Variants in PDE8B observed in about 807,000 individuals in gnomAD.
The protein encoded by PDE8B is high affinity cAMP-specific and IBMX-insensitive 3',5'-cyclic phosphodiesterase 8B.
Under a neutral mutation model 101.3 loss-of-function variants are expected in PDE8B, and 26 were observed. The ratio of observed to expected loss-of-function variants is 0.26; its 90% CI spans 0.19 to 0.36. The LOEUF (loss-of-function observed/expected upper bound fraction) is 0.36, where lower values mean the gene tolerates loss of function less well. Among genes scored for constraint, PDE8B ranks in the 10% least tolerant of loss-of-function variants. The pLI, the probability that PDE8B is intolerant of heterozygous loss-of-function variation, is 1.00. For synonymous variants in PDE8B, 424 were observed against 429.3 expected (o/e 0.99, Z 0.15); for missense variants, 810 against 1,163.1 (o/e 0.70, Z 4.42).
intron 10 of PDE8B, among the ~76,000 whole-genome samples, chr5:77,355,229 A>G (rs929899718): frequency 6.6e-6 from 1 of 152,172 alleles, no homozygotes; most frequent in African/African-American, 2.4e-5. Flanking sequence ...TACTACCATG[A>G]ATTAGCTGCT....
the PDE8B span, among the ~76,000 whole-genome samples, chr5:77,090,940 T>G: frequency 6.6e-6 from 1 of 152,232 alleles, no homozygotes; most frequent in African/African-American, 2.4e-5. Flanking sequence ...AATAGTAGTA[T>G]TAGTGGATCA....
chr5:77,295,079 A>C (rs1768226627), intron 1 of PDE8B, among the ~76,000 whole-genome samples: 2 of 152,162 alleles, frequency 1.3e-5, no homozygotes, highest in Non-Finnish European at 2.9e-5. Flanking sequence ...CTAGGCAAAA[A>C]GACCAAGTCG....
At chr5:77,156,503 C>A in the PDE8B span, among the ~76,000 whole-genome samples, 797 of 152,276 alleles carry the variant, frequency 5.2e-3, 9 homozygotes, top group African/African-American at 0.018. Flanking sequence ...GATTAAGTGC[C>A]TATTACGTAC....
intron 10 of PDE8B, among the ~76,000 whole-genome samples, chr5:77,385,803 T>TTG (rs1435153233): frequency 6.7e-6 from 1 of 148,206 alleles, no homozygotes; most frequent in Non-Finnish European, 1.5e-5. Flanking sequence ...AGGTTTTTTT[T>TTG]TTTTTTTTTT....
intron 1 of PDE8B, among the ~76,000 whole-genome samples, chr5:77,289,830 T>A (rs980248665): frequency 2.6e-5 from 4 of 152,220 alleles, no homozygotes; most frequent in African/African-American, 9.6e-5. Context: ...TAAAGTTAGA[T>A]AATCTAGAAG....
chr5:77,106,144 T>C, the PDE8B span: 2 of 152,210 alleles, frequency 1.3e-5, no homozygotes, highest in African/African-American at 2.4e-5. Flanking sequence ...TAATGGTGTT[T>C]TTCAATGAGC....
intron 1 of PDE8B, among the ~76,000 whole-genome samples, chr5:77,217,951 A>G (rs1310238165): frequency 6.6e-6 from 1 of 152,144 alleles, no homozygotes; most frequent in African/African-American, 2.4e-5. Context: ...ACTCTTATTT[A>G]GGATTTTTCT....
chr5:77,353,484 T>C, intron 10 of PDE8B, 78 bp downstream of exon 10: 4 of 855,216 alleles, frequency 4.7e-6, no homozygotes. Context: ...CTCACCACTG[T>C]TCTCTGCTTG....
chr5:77,188,273 G>A, the PDE8B span, among the ~76,000 whole-genome samples: 3 of 152,162 alleles, frequency 2.0e-5, no homozygotes, highest in East Asian at 5.8e-4. Context: ...AGGTTGAGAT[G>A]AATAATATTG....
intron 10 of PDE8B, among the ~76,000 whole-genome samples, chr5:77,373,586 TAGAG>T (rs1052759730): frequency 6.6e-6 from 1 of 152,224 alleles, no homozygotes; most frequent in Non-Finnish European, 1.5e-5. Context: ...TAAATAAAAT[TAGAG>T]AGTGTATACT....
At chr5:77,404,858 G>A (rs1793110852) in intron 12 of PDE8B, 61 bp downstream of exon 12, 5 of 1,096,942 alleles carry the variant, frequency 4.6e-6, no homozygotes, top group Admixed American at 1.7e-5. Context: ...GGAAGAATAT[G>A]TTAAAAAATT....
At chr5:77,304,875 G>A (rs13182285) in intron 1 of PDE8B, among the ~76,000 whole-genome samples, 30,873 of 152,074 alleles carry the variant, frequency 0.2, 3,992 homozygotes, top group Middle Eastern at 0.38. Flanking sequence ...TGTGTTTTTC[G>A]TGGAGCTATC....
intron 10 of PDE8B, among the ~76,000 whole-genome samples, chr5:77,388,423 T>C (rs1417185671): frequency 6.6e-6 from 1 of 152,204 alleles, no homozygotes; most frequent in Non-Finnish European, 1.5e-5. Context: ...CAAAGATTGC[T>C]CCCTGATCCT....
chr5:77,285,407 A>G (rs2149884892), intron 1 of PDE8B, among the ~76,000 whole-genome samples: 2 of 152,308 alleles, frequency 1.3e-5, no homozygotes, highest in East Asian at 3.9e-4. Context: ...TACTTTGTCC[A>G]GAAATGTCTT....
At chr5:77,291,478 T>A (rs1580827926) in intron 1 of PDE8B, 1 of 1,610,592 alleles carries the variant, frequency 6.2e-7, no homozygotes, top group East Asian at 2.2e-5. Flanking sequence ...TTTGCTCCGA[T>A]TCTGTATGTC....
intron 10 of PDE8B, among the ~76,000 whole-genome samples, chr5:77,354,925 C>G (rs772974247): frequency 7.9e-5 from 12 of 152,194 alleles, no homozygotes; most frequent in Non-Finnish European, 1.3e-4. Flanking sequence ...CTTTGTATCA[C>G]CCACCAACCA....
intron 1 of PDE8B, among the ~76,000 whole-genome samples, chr5:77,311,630 G>C (rs1772639957): frequency 6.6e-6 from 1 of 152,216 alleles, no homozygotes; most frequent in African/African-American, 2.4e-5. Context: ...ATGATGCCCA[G>C]CACATAGTAG....
intron 20 of PDE8B, among the ~76,000 whole-genome samples, chr5:77,423,007 T>C (rs960216231): frequency 6.6e-5 from 10 of 152,194 alleles, no homozygotes; most frequent in Admixed American, 2.0e-4. Context: ...TTTTCAACCC[T>C]TGCCCCCTTC....
At chr5:77,163,691 T>C in the PDE8B span, among the ~76,000 whole-genome samples, 1 of 152,242 alleles carries the variant, frequency 6.6e-6, no homozygotes, top group African/African-American at 2.4e-5. Context: ...CTGGCCACTC[T>C]CCTTCCCCCT....
Sources: allele counts gnomAD v4.1 joint callset (sites outside exome capture counted in the v4.1 genomes callset), GRCh38; gene constraint gnomAD v4.1.1; transcripts MANE v1.5; gene names NCBI Gene and HGNC (gene_info 2026-07-23, HGNC 2026-07-21).